The following POLA1 variants were observed in gnomAD, a reference collection of about 807,000 sequenced individuals.
The protein encoded by POLA1 is DNA polymerase alpha catalytic subunit.
POLA1 carries 15 observed loss-of-function variants against 124.0 expected under a neutral mutation model. The ratio of observed to expected loss-of-function variants is 0.12; its 90% CI spans 0.08 to 0.19. The LOEUF is 0.19. Among genes scored for constraint, POLA1 ranks in the 10% least tolerant of loss-of-function variants. POLA1 has a pLI of 1.00. For synonymous variants in POLA1, 408 were observed against 389.4 expected (o/e 1.05, Z -0.56); for missense variants, 886 against 1,103.4 (o/e 0.80, Z 2.79).
At chrX:24,809,981 C>T (rs1383641714) in intron 27 of POLA1, 51 bp downstream of exon 27, 2 of 780,605 alleles carry the variant, frequency 2.6e-6, no homozygotes, top group South Asian at 2.6e-5. Context: ...TAACTGGTAA[C>T]GTTTTTGTAT....
chrX:24,862,801 C>T (rs2046735495), intron 34 of POLA1, among the ~76,000 whole-genome samples: 1 of 112,001 alleles, frequency 8.9e-6, no homozygotes, highest in South Asian at 3.7e-4. Flanking sequence ...TATTCATCTA[C>T]GTCTGTCAAG....
intron 30 of POLA1, among the ~76,000 whole-genome samples, chrX:24,820,354 C>A (rs750597504): frequency 9.0e-6 from 1 of 111,424 alleles, no homozygotes; most frequent in African/African-American, 3.3e-5. Flanking sequence ...GCTCTGCAGT[C>A]CACACTTTGA....
At chrX:24,730,682 A>C (rs745619758) in intron 15 of POLA1, among the ~76,000 whole-genome samples, 1 of 112,648 alleles carries the variant, frequency 8.9e-6, no homozygotes, top group Non-Finnish European at 1.9e-5. Context: ...GATATGTCAA[A>C]AGGACTCAGG....
intron 36 of POLA1, among the ~76,000 whole-genome samples, chrX:24,969,220 A>T (rs1355857311): frequency 9.0e-6 from 1 of 110,675 alleles, no homozygotes; most frequent in African/African-American, 3.3e-5. Flanking sequence ...AAAAAAAAAA[A>T]GAATCTGTAA....
intron 26 of POLA1, among the ~76,000 whole-genome samples, chrX:24,765,719 T>C (rs1384203408): frequency 1.8e-5 from 2 of 112,150 alleles, no homozygotes; most frequent in East Asian, 2.8e-4. Context: ...GGGTGAAATA[T>C]ACCCATGTGC....
chrX:24,763,196 C>T (rs1303567268), intron 26 of POLA1, among the ~76,000 whole-genome samples: 1 of 111,402 alleles, frequency 9.0e-6, no homozygotes, highest in Admixed American at 9.5e-5. Flanking sequence ...ATGGTGGTAG[C>T]TTGACTAGTG....
rs145585431 is a variant in POLA1 at position 24,949,699 on chromosome X, G to A, written c.4261+19150G>A. ...TACTAGCTAACCTGTTTATGGCACT[G>A]TATATTTTTCTTTTCTTTTTCTTTT... On this transcript the variant is annotated intron_variant, in intron 36 of 36. Transcript: ENST00000379068. Among the ~76,000 whole-genome samples, 109 of 105,176 alleles carry A rather than the reference G, an allele frequency of 1.0e-3. No homozygotes were observed. The East Asian group carries it at 0.029, about 28-fold the overall frequency. 91.3% of individuals were successfully genotyped at this position (105,176 alleles called of 115,157 possible).
At chrX:24,907,440 A>G (rs1431582904) in intron 35 of POLA1, among the ~76,000 whole-genome samples, 3 of 111,709 alleles carry the variant, frequency 2.7e-5, no homozygotes, top group African/African-American at 9.8e-5. Flanking sequence ...GATAAAATAA[A>G]TTTATTCCCA....
At chrX:24,797,593 A>G (rs2045630355) in intron 26 of POLA1, among the ~76,000 whole-genome samples, 1 of 112,283 alleles carries the variant, frequency 8.9e-6, no homozygotes, top group Non-Finnish European at 1.9e-5. Flanking sequence ...AATCATTCAC[A>G]GTTGTGTTCC....
chrX:24,712,572 C>A (rs1192984930), intron 4 of POLA1, among the ~76,000 whole-genome samples: 1 of 111,502 alleles, frequency 9.0e-6, no homozygotes, highest in Non-Finnish European at 1.9e-5. Context: ...CTTCATTTTT[C>A]TTTTAACTTG....
intron 36 of POLA1, among the ~76,000 whole-genome samples, chrX:24,984,400 T>C (rs951553908): frequency 2.7e-5 from 3 of 112,136 alleles, no homozygotes; most frequent in African/African-American, 9.7e-5. Context: ...TCTGCTATCA[T>C]TGAACCTTCA....
At position 24,726,998 on chromosome X, in the gene POLA1, C is replaced by A; in HGVS notation, c.1458C>A (p.Asn486Lys). The A allele has an allele frequency of 8.4e-7, 1 of 1,192,533 alleles. No individual in the cohort carries two copies. The highest frequency in any genetic ancestry group is 1.1e-6 in the Non-Finnish European group (1 of 880,818). Residue 486 changes from asparagine (N) to lysine (K), a missense_variant, in exon 14 of 37, where the codon AAC (asparagine) becomes AAA (lysine). Transcript: ENST00000379068. ...CTTTTTCTCATGTATTTGGGACCAA[C>A]ACATCTAGCCTGGAACTGTTCTTGA... ...GETFSHVFGT[N>K]TSSLELFLMN...
At chrX:24,772,488 C>T (rs746965044) in intron 26 of POLA1, among the ~76,000 whole-genome samples, 1 of 109,829 alleles carries the variant, frequency 9.1e-6, no homozygotes, top group South Asian at 4.1e-4. Context: ...TTTTGTCATC[C>T]AGGGATTAAG....
At chrX:24,901,755 C>T (rs1004175820) in intron 35 of POLA1, among the ~76,000 whole-genome samples, 4 of 111,423 alleles carry the variant, frequency 3.6e-5, no homozygotes, top group Admixed American at 9.5e-5. Context: ...TCCCCTGTGA[C>T]GTTATATAGA....
Position 24,841,644 on chromosome X carries a change from A to T in POLA1, c.3737-8A>T. ...TTCTGAATTTGTTTTTTTCTTTTACATTAATAGGACTTGACCCCACCCAAT... is the reference window on the plus strand; with the variant it reads ...TTCTGAATTTGTTTTTTTCTTTTACTTTAATAGGACTTGACCCCACCCAAT... On this transcript the variant is annotated splice_region_variant and splice_polypyrimidine_tract_variant and intron_variant, in intron 32 of 36. Coordinates refer to ENST00000379068, the MANE Select transcript of POLA1 (RefSeq NM_001330360.2). 1 of 1,097,151 alleles carries T rather than the reference A, an allele frequency of 9.1e-7. No individual in the cohort carries two copies. The allele number at this position is 1,097,151 out of a possible 1,213,427, so 90.4% of individuals were successfully genotyped here. A position where few individuals can be genotyped will look rare whatever the true frequency, so the allele number is the denominator to read the frequency against.
At chrX:24,964,628 C>T (rs1393011591) in intron 36 of POLA1, among the ~76,000 whole-genome samples, 2 of 112,475 alleles carry the variant, frequency 1.8e-5, no homozygotes, top group African/African-American at 3.2e-5. Context: ...TTTTGAAAGG[C>T]ACTTGACACC....
chrX:24,831,315 G>T (rs946031852), intron 32 of POLA1, among the ~76,000 whole-genome samples: 1 of 111,254 alleles, frequency 9.0e-6, no homozygotes, highest in African/African-American at 3.3e-5. Context: ...AGTACTTCAG[G>T]TATTACTTTG....
chrX:24,975,336 C>T lies in POLA1; in HGVS notation c.4262-20469C>T, dbSNP rs191662513. Among the ~76,000 whole-genome samples the T allele has an allele frequency of 2.1e-4, 24 of 112,171 alleles. No individual in the cohort carries two copies. The East Asian group carries it at 6.7e-3, about 31-fold the overall frequency. ...TTGGGTGGCTACTTTCATAGAAAGG[C>T]AGCTATGCTATATTGATATGGAACA... On this transcript the variant is annotated intron_variant, in intron 36 of 36. Coordinates refer to ENST00000379068, the MANE Select transcript of POLA1 (RefSeq NM_001330360.2).
At chrX:24,788,916 C>G (rs1368884931) in intron 26 of POLA1, 3 of 1,201,586 alleles carry the variant, frequency 2.5e-6, no homozygotes, top group Non-Finnish European at 3.4e-6. Context: ...CAACGTAGGG[C>G]ATGACACAAG....
Sources: allele counts gnomAD v4.1 joint callset (sites outside exome capture counted in the v4.1 genomes callset), GRCh38; gene constraint gnomAD v4.1.1; transcripts MANE v1.5; gene names NCBI Gene and HGNC (gene_info 2026-07-23, HGNC 2026-07-21).